PRRC2C: variants seen among roughly 807,000 people sequenced by gnomAD.
PRRC2C encodes proline rich coiled-coil 2C.
In PRRC2C, 72 loss-of-function variants were observed where a neutral mutation model predicts 317.2. That is an observed-to-expected ratio of 0.23 (90% CI 0.19 to 0.28). The LOEUF (loss-of-function observed/expected upper bound fraction) is 0.28. Ranked by LOEUF, PRRC2C falls within the 10% of genes least tolerant of loss-of-function variation. The probability of loss-of-function intolerance (pLI) is 1.00; values close to 1 mark genes in which losing one functional copy is unlikely to be tolerated. For synonymous variants in PRRC2C, 1,296 were observed against 1,205.9 expected (o/e 1.07, Z -1.55); for missense variants, 3,074 against 3,459.7 (o/e 0.89, Z 2.80).
intron 13 of PRRC2C, 50 bp downstream of exon 13, chr1:171,535,647 A>T (rs773926952): frequency 6.4e-7 from 1 of 1,563,498 alleles, no homozygotes; most frequent in Non-Finnish European, 8.7e-7. Flanking sequence ...GTGGTTTATT[A>T]TGCAGTAGTC....
rs180728082 is a variant in PRRC2C at position 171,524,924 on chromosome 1, G to C, written c.1159G>C (p.Val387Leu). The change falls in exon 10 of 35, where the codon GTA becomes CTA. Residue 387 changes from valine (V) to leucine (L), a missense_variant. This residue lies in a region of PRRC2C where 1,320 missense variants were observed against 1,395.7 expected (regional missense o/e 0.95). Transcript: ENST00000647382. ...TTCCCAAATACCTGCCCAACCATCA[G>C]TAGCAAAAGTTCCCTATGGGAAAGG... The part of the protein sequence containing the change: ...SSSQIPAQPS[V>L]AKVPYGKGPS... 1 of 1,611,158 alleles carries C rather than the reference G, an allele frequency of 6.2e-7. No individual in the cohort carries two copies. The highest frequency in any genetic ancestry group is 2.2e-5 in the East Asian group (1 of 44,780).
chr1:171,580,636 G>T (rs235490), intron 28 of PRRC2C, among the ~76,000 whole-genome samples: 6,159 of 152,274 alleles, frequency 0.04, 155 homozygotes, highest in Middle Eastern at 0.095. Flanking sequence ...CTTGAAGAGG[G>T]TGAGGCTTTT....
chr1:171,545,709 T>TTTTATGTA, intron 17 of PRRC2C, 22 bp downstream of exon 17: 1 of 804,366 alleles, frequency 1.2e-6, no homozygotes. Flanking sequence ...GTTTCTTTCA[T>TTTTATGTA]TTTATTTATT....
intron 20 of PRRC2C, among the ~76,000 whole-genome samples, chr1:171,564,751 A>G (rs1683330835): frequency 6.6e-6 from 1 of 152,240 alleles, no homozygotes; most frequent in South Asian, 2.1e-4. Flanking sequence ...GTTTCTAAGC[A>G]TAGAAAAGGT....
chr1:171,537,223 C>A, intron 14 of PRRC2C, 40 bp from the exon 15 acceptor site: 1 of 1,459,774 alleles, frequency 6.9e-7, no homozygotes, highest in South Asian at 1.2e-5. Flanking sequence ...GTTCATTTTT[C>A]AAAATCCTCA....
chr1:171,501,723 T>C (rs1055811625), intron 1 of PRRC2C, among the ~76,000 whole-genome samples: 2 of 152,218 alleles, frequency 1.3e-5, no homozygotes, highest in African/African-American at 4.8e-5. Context: ...GAGGGTATAC[T>C]TATTTTGATA....
At chr1:171,514,405 C>A in intron 3 of PRRC2C, 131 bp from the exon 4 acceptor site, 2 of 678,360 alleles carry the variant, frequency 2.9e-6, no homozygotes, top group Non-Finnish European at 4.9e-6. Context: ...AGAGAGAAAA[C>A]ATTTATTGGA....
In PRRC2C at chr1:171,566,344, A is replaced by G. The variant is rs1227481017; in HGVS notation, c.6229A>G (p.Lys2077Glu). Residue 2077 changes from lysine (K) to glutamate (E), a missense_variant, in exon 21 of 35, where the codon AAA becomes GAA. Transcript: ENST00000647382. ...TGAAGTTGTTCCTGTGCTTTCGGAA[A>G]AATCTGCTGACAAAATACCTGAACC... ...ENEVVPVLSEKSADKIPEPKE... is the reference protein window; with the variant it reads ...ENEVVPVLSEESADKIPEPKE... 1 of 1,600,088 alleles carries G rather than the reference A, an allele frequency of 6.2e-7. No homozygotes were observed. The highest frequency in any genetic ancestry group is 1.1e-5 in the South Asian group (1 of 88,328).
chr1:171,564,540 G>T (rs557166166), intron 20 of PRRC2C, among the ~76,000 whole-genome samples: 42 of 152,264 alleles, frequency 2.8e-4, no homozygotes, highest in South Asian at 1.0e-3. Flanking sequence ...TTATTCTAAT[G>T]TGCATCAGTA....
In PRRC2C at chr1:171,541,928, C is replaced by G; in HGVS notation, c.4462C>G (p.Gln1488Glu). 1 of 1,613,662 alleles carries G rather than the reference C, an allele frequency of 6.2e-7. No homozygotes were observed. The highest frequency in any genetic ancestry group is 2.2e-5 in the East Asian group (1 of 44,864). ...SGNKTPDLSN[Q>E]NSSDQANEEW... ...GAATAAGACACCAGATTTATCTAATCAGAACTCTTCAGATCAGGCAAATGA... is the reference window on the plus strand; with the variant it reads ...GAATAAGACACCAGATTTATCTAATGAGAACTCTTCAGATCAGGCAAATGA... Residue 1488 changes from glutamine (Q) to glutamate (E), a missense_variant, in exon 16 of 35, where the codon CAG (glutamine) becomes GAG (glutamate). Transcript: ENST00000647382. This position sits in a 1 kb window ranked among gnomAD's most constrained non-coding sequence, Gnocchi z 4.1.
At chr1:171,523,122 A>C in intron 7 of PRRC2C, 99 bp from the exon 8 acceptor site, 2 of 1,146,996 alleles carry the variant, frequency 1.7e-6, no homozygotes, top group African/African-American at 3.1e-5. Flanking sequence ...TGGTGTAGAA[A>C]ACACTAATGT....
chr1:171,573,972 C>T (rs986352413), intron 24 of PRRC2C, among the ~76,000 whole-genome samples: 9 of 151,800 alleles, frequency 5.9e-5, no homozygotes, highest in East Asian at 1.9e-4. Flanking sequence ...CCACCGCACC[C>T]GGCCTCTATT....
At chr1:171,590,503 CAG>C (rs1651187148) in intron 34 of PRRC2C, among the ~76,000 whole-genome samples, 1 of 152,118 alleles carries the variant, frequency 6.6e-6, no homozygotes, top group Non-Finnish European at 1.5e-5. Context: ...TGCTTTCAAA[CAG>C]GGAAATGTGC....
Position 171,550,171 on chromosome 1 carries a change from G to C in PRRC2C, c.5058G>C (p.Val1686=). The part of the protein sequence containing the change: ...SNLNDDGFTE[V]VSKKQQKRLQ... ...TGAATGATGATGGTTTTACTGAAGT[G>C]GTATCCAAAAAACAACAAAAACGTT... is the stretch of plus-strand genomic sequence containing the variant. The change falls in exon 18 of 35, where the codon GTG becomes GTC. Residue 1686 remains valine (V), a synonymous_variant. Coordinates refer to ENST00000647382, the MANE Select transcript of PRRC2C (RefSeq NM_001387844.1). 6.2e-7 allele frequency: 1 copy of C among 1,606,620 alleles called. No homozygotes were observed. Among genetic ancestry groups the C allele is most frequent in the Non-Finnish European group, 8.5e-7 (1 of 1,176,078 alleles).
At chr1:171,520,075 G>T (rs550539772) in intron 6 of PRRC2C, among the ~76,000 whole-genome samples, 58 of 152,220 alleles carry the variant, frequency 3.8e-4, no homozygotes, top group African/African-American at 1.3e-3. Context: ...CGATTCTCCC[G>T]CCTCAACCTT....
intron 1 of PRRC2C, chr1:171,509,844 C>CTTTTTTTTTT (rs11363110): frequency 6.7e-5 from 4 of 59,770 alleles, no homozygotes; most frequent in Admixed American, 2.5e-4. Context: ...AACATTGTTT[C>CTTTTTTTTTT]TTTTTTTTTT....
intron 22 of PRRC2C, among the ~76,000 whole-genome samples, chr1:171,567,327 G>A (rs758334135): frequency 5.3e-5 from 8 of 152,100 alleles, no homozygotes; most frequent in Non-Finnish European, 1.0e-4. Flanking sequence ...TGAATGAAAC[G>A]TGTATCTAAA....
chr1:171,524,352 A>AC (rs1674166732), intron 9 of PRRC2C, among the ~76,000 whole-genome samples: 10 of 152,220 alleles, frequency 6.6e-5, no homozygotes, highest in Admixed American at 6.5e-4. Flanking sequence ...GTTTGGAAGC[A>AC]CATTTGGTAT....
At chr1:171,584,658 C>T in intron 30 of PRRC2C, 132 bp downstream of exon 30, 1 of 1,070,404 alleles carries the variant, frequency 9.3e-7, no homozygotes, top group Middle Eastern at 3.2e-4. Context: ...ACTGAGATGT[C>T]CTGAAGAATT....
Sources: gnomAD v4.1 joint callset for allele counts (sites outside exome capture counted in the v4.1 genomes callset) on GRCh38, gnomAD v4.1.1 for gene constraint, gnomAD v4.1.1 regional missense constraint, Gnocchi (gnomAD v3.1) non-coding constraint, MANE v1.5 for transcripts, NCBI Gene and HGNC (gene_info 2026-07-23, HGNC 2026-07-21) for gene names.